The following SYNDIG1 variants were observed in gnomAD, a reference collection of about 807,000 sequenced individuals.
SYNDIG1 encodes synapse differentiation-inducing gene protein 1.
In SYNDIG1, 9 loss-of-function variants were observed where a neutral mutation model predicts 19.4. The observed-to-expected ratio is 0.46, with a 90% CI of 0.28 to 0.81. SYNDIG1 has a LOEUF of 0.81. Among genes scored for constraint, SYNDIG1 ranks in the 30% least tolerant of loss-of-function variants. The probability of loss-of-function intolerance (pLI) is 0.12; values close to 1 mark genes in which losing one functional copy is unlikely to be tolerated. For missense variants in SYNDIG1, 311 were observed against 343.3 expected, an observed-to-expected ratio of 0.91 and a Z score of 0.74; for synonymous variants, 141 against 145.9, an observed-to-expected ratio of 0.97 and a Z score of 0.24.
chr20:24,534,231 T>C (rs1002505921), intron 1 of SYNDIG1, among the ~76,000 whole-genome samples: 7 of 152,188 alleles, frequency 4.6e-5, no homozygotes, highest in Admixed American at 4.6e-4. Context: ...CCCTGGTTGA[T>C]GTGACTTTGT....
chr20:24,534,376 G>A (rs6114759), intron 1 of SYNDIG1, among the ~76,000 whole-genome samples: 1,779 of 152,272 alleles, frequency 0.012, 39 homozygotes, highest in African/African-American at 0.04. Flanking sequence ...GACTCCTGAG[G>A]TTGTCAGCAC....
intron 1 of SYNDIG1, among the ~76,000 whole-genome samples, chr20:24,528,675 T>C (rs2057178089): frequency 6.6e-6 from 1 of 152,174 alleles, no homozygotes; most frequent in Non-Finnish European, 1.5e-5. Context: ...CTCCAAGGGC[T>C]CCACCTCTTA....
At chr20:24,616,988 C>T (rs992580666) in intron 3 of SYNDIG1, among the ~76,000 whole-genome samples, 3 of 152,126 alleles carry the variant, frequency 2.0e-5, no homozygotes, top group East Asian at 1.9e-4. Flanking sequence ...GAGGTGGCTT[C>T]GGTGGCTTCT....
intron 1 of SYNDIG1, among the ~76,000 whole-genome samples, chr20:24,504,389 G>A (rs566579311): frequency 4.6e-5 from 7 of 152,276 alleles, no homozygotes; most frequent in East Asian, 1.9e-4. Context: ...GACCCTATGC[G>A]TAGCAAAAAG....
intron 3 of SYNDIG1, among the ~76,000 whole-genome samples, chr20:24,592,288 G>A (rs756937384): frequency 2.6e-4 from 39 of 152,134 alleles, no homozygotes; most frequent in South Asian, 1.7e-3. Context: ...TAAGGGACAC[G>A]ACACCATCAT....
chr20:24,548,167 T>C (rs566300786), intron 2 of SYNDIG1, among the ~76,000 whole-genome samples: 1 of 152,190 alleles, frequency 6.6e-6, no homozygotes, highest in South Asian at 2.1e-4. Context: ...TTGGGGTGTT[T>C]CCAAGATCAC....
intron 3 of SYNDIG1, among the ~76,000 whole-genome samples, chr20:24,633,251 G>A (rs1215768352): frequency 6.6e-6 from 1 of 152,194 alleles, no homozygotes; most frequent in Non-Finnish European, 1.5e-5. Flanking sequence ...TTACTGTCCT[G>A]AGTACAGACG....
chr20:24,526,058 T>A (rs1343003295), intron 1 of SYNDIG1, among the ~76,000 whole-genome samples: 2 of 152,182 alleles, frequency 1.3e-5, no homozygotes, highest in African/African-American at 4.8e-5. Flanking sequence ...GCCTAGGATT[T>A]TCCTTGTATA....
At chr20:24,561,065 G>C (rs937696735) in intron 2 of SYNDIG1, among the ~76,000 whole-genome samples, 1 of 151,606 alleles carries the variant, frequency 6.6e-6, no homozygotes, top group African/African-American at 2.4e-5. Flanking sequence ...GGTCTGCATA[G>C]CTTAGAGGTC....
At chr20:24,630,318 C>G (rs2059221272) in intron 3 of SYNDIG1, among the ~76,000 whole-genome samples, 1 of 152,142 alleles carries the variant, frequency 6.6e-6, no homozygotes, top group Admixed American at 6.5e-5. Flanking sequence ...GGGACACTCA[C>G]CCACTGCTGA....
chr20:24,507,448 G>A (rs6083539), intron 1 of SYNDIG1, among the ~76,000 whole-genome samples: 83,427 of 152,140 alleles, frequency 0.55, 24,603 homozygotes, highest in East Asian at 0.73. Context: ...GGGCTTTTCC[G>A]GAAGGAGCTG....
At chr20:24,644,758 T>C (rs2059408242) in intron 3 of SYNDIG1, among the ~76,000 whole-genome samples, 1 of 152,318 alleles carries the variant, frequency 6.6e-6, no homozygotes, top group East Asian at 1.9e-4. Context: ...AGCTGAGTGC[T>C]CCCTGAATTC....
chr20:24,519,813 A>T (rs2056965515), intron 1 of SYNDIG1, among the ~76,000 whole-genome samples: 1 of 151,858 alleles, frequency 6.6e-6, no homozygotes, highest in Non-Finnish European at 1.5e-5. Flanking sequence ...AGACAGACAG[A>T]CAGACACACG....
intron 1 of SYNDIG1, among the ~76,000 whole-genome samples, chr20:24,528,269 G>A (rs1421555204): frequency 1.3e-5 from 2 of 152,150 alleles, no homozygotes; most frequent in African/African-American, 4.8e-5. Flanking sequence ...TCCTAAGTAT[G>A]GTTGTTTTAT....
intron 1 of SYNDIG1, among the ~76,000 whole-genome samples, chr20:24,472,732 G>C (rs879724618): frequency 6.6e-6 from 1 of 152,192 alleles, no homozygotes; most frequent in East Asian, 1.9e-4. Context: ...GGCACTGGAG[G>C]CAGTGGGAGG....
chr20:24,569,233 A>G (rs1453562297), intron 2 of SYNDIG1, among the ~76,000 whole-genome samples: 1 of 152,240 alleles, frequency 6.6e-6, no homozygotes, highest in African/African-American at 2.4e-5. Context: ...AAAGGCAAGA[A>G]GAAAATATTC....
At chr20:24,584,269 C>G (rs917051913) in intron 2 of SYNDIG1, among the ~76,000 whole-genome samples, 1 of 152,218 alleles carries the variant, frequency 6.6e-6, no homozygotes, top group South Asian at 2.1e-4. Flanking sequence ...TGACTCAGTT[C>G]AGAGTCAAGA....
At chr20:24,569,522 G>T (rs1258362548) in intron 2 of SYNDIG1, among the ~76,000 whole-genome samples, 1 of 152,192 alleles carries the variant, frequency 6.6e-6, no homozygotes, top group Non-Finnish European at 1.5e-5. Context: ...TTGCCCAAGG[G>T]TCTCAGCTAG....
chr20:24,595,050 T>C (rs576318105), intron 3 of SYNDIG1, among the ~76,000 whole-genome samples: 16 of 152,354 alleles, frequency 1.1e-4, no homozygotes, highest in African/African-American at 3.8e-4. Flanking sequence ...CAGTACTTTG[T>C]TGAACAGGAG....
Sources: gnomAD v4.1 joint callset for allele counts (sites outside exome capture counted in the v4.1 genomes callset) on GRCh38, gnomAD v4.1.1 for gene constraint, MANE v1.5 for transcripts, NCBI Gene and HGNC (gene_info 2026-07-23, HGNC 2026-07-21) for gene names.